Variants in ARHGEF10L observed in about 807,000 individuals in gnomAD.
ARHGEF10L encodes the protein Rho guanine nucleotide exchange factor 10 like.
Under a neutral mutation model 141.2 loss-of-function variants are expected in ARHGEF10L, and 69 were observed. The ratio of observed to expected loss-of-function variants is 0.49; its 90% CI spans 0.40 to 0.60. The LOEUF (loss-of-function observed/expected upper bound fraction) is 0.60. Ranked by LOEUF, ARHGEF10L falls within the 20% of genes least tolerant of loss-of-function variation. The pLI is 0.00. For missense variants in ARHGEF10L, 1,482 were observed against 1,734.3 expected, an observed-to-expected ratio of 0.85 and a Z score of 2.58; for synonymous variants, 711 against 718.5, an observed-to-expected ratio of 0.99 and a Z score of 0.17.
chr1:17,536,052 G>C (rs2076571529), upstream of ARHGEF10L, among the ~76,000 whole-genome samples: 9 of 152,224 alleles, frequency 5.9e-5, 1 homozygote, highest in South Asian at 1.9e-3. Flanking sequence ...TCCCTGAGAA[G>C]GTGCTGTTTA....
chr1:17,618,610 C>T (rs2059938888), intron 9 of ARHGEF10L: 1 of 1,011,826 alleles, frequency 9.9e-7, no homozygotes, highest in Non-Finnish European at 1.3e-6. Context: ...TCACAGCTCC[C>T]ATTTCCTGCT....
chr1:17,588,339 C>A lies in ARHGEF10L; in HGVS notation c.224-107C>A, dbSNP rs547264240. 8.2e-5 allele frequency: 105 copies of A among 1,274,260 alleles called. No homozygotes were observed. The African/African-American group carries it at 1.4e-3, about 17-fold the overall frequency. The allele number at this position is 1,274,260 out of a possible 1,614,324, so 78.9% of individuals were successfully genotyped here. On this transcript the variant is annotated intron_variant, in intron 3 of 28. Coordinates refer to ENST00000361221, the MANE Select transcript of ARHGEF10L (RefSeq NM_018125.4). ...TCAGCAGGCACCCAGACTGGCCAGG[C>A]CCTGTCTGCGGCGCCCCTGGGGAGG...
chr1:17,553,066 C>T (rs1160682245), intron 1 of ARHGEF10L, among the ~76,000 whole-genome samples: 5 of 152,334 alleles, frequency 3.3e-5, no homozygotes, highest in Admixed American at 1.3e-4. Flanking sequence ...TGGGCCTCAG[C>T]CCCTGGCTCA....
At chr1:17,653,593 G>C (rs1461740544) in intron 22 of ARHGEF10L, among the ~76,000 whole-genome samples, 2 of 152,236 alleles carry the variant, frequency 1.3e-5, no homozygotes, top group Non-Finnish European at 2.9e-5. Flanking sequence ...CCAGAGGCCG[G>C]GCTTAGCGAA....
At chr1:17,539,307 C>T (rs1298260620), upstream of ARHGEF10L, among the ~76,000 whole-genome samples, 1 of 152,210 alleles carries the variant, frequency 6.6e-6, no homozygotes, top group Non-Finnish European at 1.5e-5. This position sits in a 1 kb window ranked among gnomAD's most constrained non-coding sequence, Gnocchi z 6.0. Flanking sequence ...CCAGGATTCT[C>T]ACCCTTTTGG....
chr1:17,622,811 C>G (rs1455012516), intron 11 of ARHGEF10L, among the ~76,000 whole-genome samples, 185 bp from the exon 12 acceptor site: 4 of 152,134 alleles, frequency 2.6e-5, no homozygotes, highest in African/African-American at 9.7e-5. Flanking sequence ...TTGTGTGTGG[C>G]CAGTGAGGCC....
the ARHGEF10L span, among the ~76,000 whole-genome samples, chr1:17,525,423 C>T: frequency 2.6e-5 from 4 of 152,198 alleles, no homozygotes; most frequent in African/African-American, 9.6e-5. Flanking sequence ...TTCTTCACGC[C>T]CTGCATGACC....
At chr1:17,553,042 A>T (rs1214390080) in intron 1 of ARHGEF10L, among the ~76,000 whole-genome samples, 1 of 152,176 alleles carries the variant, frequency 6.6e-6, no homozygotes, top group Non-Finnish European at 1.5e-5. Context: ...TATCACGAAG[A>T]CTTGGAGCTC....
Position 17,640,320 on chromosome 1 carries a change from G to A in ARHGEF10L, c.2272+18G>A. The A allele has an allele frequency of 6.3e-7, 1 of 1,598,770 alleles. No homozygotes were observed. The highest frequency in any genetic ancestry group is 1.1e-5 in the South Asian group (1 of 89,496). On this transcript the variant is annotated intron_variant, in intron 21 of 28. Transcript: ENST00000361221. ...CGGACTCCGTGAGTATAGCCCCAGG[G>A]AGAGTGCCTCAGGGGGCAGGGGTGT...
At chr1:17,524,364 T>TACACACACAC in the ARHGEF10L span, among the ~76,000 whole-genome samples, 1,664 of 116,034 alleles carry the variant, frequency 0.014, 33 homozygotes, top group Admixed American at 0.019. Context: ...ACCCCGTCTC[T>TACACACACAC]ACACACACAC....
intron 20 of ARHGEF10L, 31 bp downstream of exon 20, chr1:17,638,720 G>A: frequency 6.2e-7 from 1 of 1,611,538 alleles, no homozygotes; most frequent in Non-Finnish European, 8.5e-7. Context: ...AGGGAGGGCT[G>A]CTGCCTCTGC....
chr1:17,516,803 T>C, the ARHGEF10L span, among the ~76,000 whole-genome samples: 144 of 152,290 alleles, frequency 9.5e-4, no homozygotes, highest in Non-Finnish European at 1.8e-3. Context: ...CGAAGAGGTC[T>C]CCATGCTATT....
chr1:17,602,254 T>C (rs975355179), intron 5 of ARHGEF10L, 36 bp downstream of exon 5: 1 of 1,545,596 alleles, frequency 6.5e-7, no homozygotes, highest in African/African-American at 1.4e-5. Flanking sequence ...CCACCCCAGG[T>C]AGCAAGCTCC....
chr1:17,596,553 G>T (rs2080120952), intron 4 of ARHGEF10L, among the ~76,000 whole-genome samples: 1 of 152,238 alleles, frequency 6.6e-6, no homozygotes, highest in Non-Finnish European at 1.5e-5. Context: ...AAGGGCCCCA[G>T]AATGCTTGTG....
rs192029356 is a variant in ARHGEF10L at position 17,619,207 on chromosome 1, G to A, written c.836-132G>A. 6.1e-5 allele frequency: 50 copies of A among 818,990 alleles called. No individual in the cohort carries two copies. In the African/African-American group the frequency reaches 7.7e-4, roughly 13 times the overall value. 50.7% of individuals were successfully genotyped at this position (818,990 alleles called of 1,614,324 possible). A position where few individuals can be genotyped will look rare whatever the true frequency, so the allele number is the denominator to read the frequency against. On this transcript the variant is annotated intron_variant, in intron 9 of 28. Coordinates refer to ENST00000361221, the MANE Select transcript of ARHGEF10L (RefSeq NM_018125.4). This position sits in a 1 kb window ranked among gnomAD's most constrained non-coding sequence, Gnocchi z 5.0. ...AGCTACCGGGCGGCTCTAACCCCAC[G>A]GGGCCCCAGGAGCTGCTTGCACCCT...
At chr1:17,538,337 G>T (rs2076611057), upstream of ARHGEF10L, among the ~76,000 whole-genome samples, 1 of 152,196 alleles carries the variant, frequency 6.6e-6, no homozygotes, top group South Asian at 2.1e-4. Context: ...CGTGCCTGTT[G>T]TGTTCACTGG....
chr1:17,593,497 G>A (rs1413399362), intron 4 of ARHGEF10L, among the ~76,000 whole-genome samples: 1 of 152,196 alleles, frequency 6.6e-6, no homozygotes, highest in Non-Finnish European at 1.5e-5. Flanking sequence ...ACAAGAGGGA[G>A]ACAGGAGGGC....
intron 8 of ARHGEF10L, among the ~76,000 whole-genome samples, chr1:17,614,157 C>T (rs534581756): frequency 1.3e-5 from 2 of 152,360 alleles, no homozygotes; most frequent in African/African-American, 4.8e-5. Context: ...AGAGCTCAAA[C>T]GTCCTCCATC....
intron 10 of ARHGEF10L, among the ~76,000 whole-genome samples, chr1:17,620,670 G>A (rs1456243307): frequency 6.6e-6 from 1 of 152,144 alleles, no homozygotes; most frequent in African/African-American, 2.4e-5. Context: ...AGTAGGGCAG[G>A]GAGCCGGGGT....
Sources: gnomAD v4.1 joint callset for allele counts (sites outside exome capture counted in the v4.1 genomes callset) on GRCh38, gnomAD v4.1.1 for gene constraint, Gnocchi (gnomAD v3.1) non-coding constraint, MANE v1.5 for transcripts, NCBI Gene and HGNC (gene_info 2026-07-23, HGNC 2026-07-21) for gene names.